RGS6: variants seen among roughly 807,000 people sequenced by gnomAD.
RGS6 encodes regulator of G protein signaling 6.
Under a neutral mutation model 78.5 loss-of-function variants are expected in RGS6, and 30 were observed. The observed-to-expected ratio is 0.38, with a 90% CI of 0.29 to 0.52. The LOEUF is 0.52. Among genes scored for constraint, RGS6 ranks in the 20% least tolerant of loss-of-function variants. The probability of loss-of-function intolerance (pLI) is 0.85; values close to 1 mark genes in which losing one functional copy is unlikely to be tolerated. For missense variants in RGS6, 495 were observed against 609.7 expected (o/e 0.81, Z 1.98); for synonymous variants, 206 against 206.0 (o/e 1.00, Z 0.00).
chr14:72,131,100 G>A (rs145987049), intron 2 of RGS6, among the ~76,000 whole-genome samples: 8 of 152,296 alleles, frequency 5.3e-5, no homozygotes, highest in African/African-American at 1.9e-4. Flanking sequence ...ACCTGACTCA[G>A]ATCTACTAGT....
chr14:72,478,393 G>A (rs1282869463), intron 12 of RGS6, 64 bp downstream of exon 12: 4 of 1,196,750 alleles, frequency 3.3e-6, no homozygotes, highest in Non-Finnish European at 4.9e-6. Context: ...ATGTTACAGG[G>A]TTATGGTTAA....
intron 15 of RGS6, among the ~76,000 whole-genome samples, chr14:72,529,655 C>G (rs1468334): frequency 0.53 from 80,234 of 151,974 alleles, 21,815 homozygotes; most frequent in East Asian, 0.73. Flanking sequence ...CAGACCCCCC[C>G]CTCCCTGCAA....
intron 2 of RGS6, among the ~76,000 whole-genome samples, chr14:72,284,519 T>G (rs2062151453): frequency 6.6e-6 from 1 of 152,182 alleles, no homozygotes; most frequent in South Asian, 2.1e-4. Context: ...AAGTTAAGAA[T>G]TGAGTTTTGG....
rs749534409 is a variant in RGS6, at chr14:72,089,751, G to C, written c.84+124876G>C. 6.1e-4 allele frequency among the ~76,000 whole-genome samples: 93 copies of C among 152,352 alleles called. 1 individual carries two copies. Among genetic ancestry groups the C allele is most frequent in the Admixed American group, 3.9e-4 (6 of 15,310 alleles). ...CGCATGGCATAAAGCAGAATGAAAAGGATGATTCAAATTTCTTCACCCAGC... is the reference window on the plus strand; with the variant it reads ...CGCATGGCATAAAGCAGAATGAAAACGATGATTCAAATTTCTTCACCCAGC... On this transcript the variant is annotated intron_variant, in intron 2 of 17. Transcript: ENST00000553525.
chr14:72,003,787 A>T (rs758661181), intron 2 of RGS6, among the ~76,000 whole-genome samples: 14 of 152,098 alleles, frequency 9.2e-5, no homozygotes, highest in Non-Finnish European at 1.8e-4. Context: ...GCCTCACCCT[A>T]CCCAGTGGAA....
At chr14:72,269,141 CACCA>C (rs200322346) in intron 2 of RGS6, among the ~76,000 whole-genome samples, 126,075 of 151,800 alleles carry the variant, frequency 0.83, 52,539 homozygotes, top group Non-Finnish European at 0.87. Flanking sequence ...TCCGCCCCCC[CACCA>C]CCCACCTTGC....
intron 2 of RGS6, among the ~76,000 whole-genome samples, chr14:72,063,322 G>A (rs1426443176): frequency 1.3e-5 from 2 of 152,128 alleles, no homozygotes; most frequent in Non-Finnish European, 2.9e-5. Flanking sequence ...GTGCCAAGGA[G>A]GAAGGAGAAA....
intron 3 of RGS6, among the ~76,000 whole-genome samples, chr14:72,415,742 C>A (rs1396430028): frequency 6.6e-6 from 1 of 152,212 alleles, no homozygotes; most frequent in Non-Finnish European, 1.5e-5. Flanking sequence ...ATTAGTGTTA[C>A]CAAAGCAACA....
At chr14:72,475,830 G>GCGCGCA (rs113920568) in intron 10 of RGS6, among the ~76,000 whole-genome samples, 25 of 145,702 alleles carry the variant, frequency 1.7e-4, no homozygotes, top group South Asian at 1.6e-3. Context: ...AAAAATACAC[G>GCGCGCA]CACACACACA....
intron 2 of RGS6, among the ~76,000 whole-genome samples, chr14:72,305,644 T>C (rs2152431350): frequency 1.3e-5 from 2 of 152,366 alleles, no homozygotes; most frequent in East Asian, 3.9e-4. Context: ...AAATGTTGTA[T>C]GTGTACTGAC....
intron 2 of RGS6, among the ~76,000 whole-genome samples, chr14:72,066,966 C>T (rs1320763274): frequency 6.6e-6 from 1 of 152,146 alleles, no homozygotes; most frequent in Non-Finnish European, 1.5e-5. Flanking sequence ...CCAGCTTCAT[C>T]CATGTCCCTG....
At chr14:72,369,045 A>G (rs2082952099) in intron 3 of RGS6, among the ~76,000 whole-genome samples, 1 of 151,682 alleles carries the variant, frequency 6.6e-6, no homozygotes, top group Non-Finnish European at 1.5e-5. Context: ...ACTAGAAAAA[A>G]AAATCACACA....
chr14:71,899,213 A>G, the RGS6 span, among the ~76,000 whole-genome samples: 1 of 152,338 alleles, frequency 6.6e-6, no homozygotes, highest in South Asian at 2.1e-4. Context: ...ATCAACACCA[A>G]AATATAAAAC....
At chr14:71,984,730 C>T (rs1055352244) in intron 2 of RGS6, among the ~76,000 whole-genome samples, 2 of 152,160 alleles carry the variant, frequency 1.3e-5, no homozygotes, top group African/African-American at 4.8e-5. Flanking sequence ...ATTATAGCCT[C>T]ATTCTTCATA....
rs1282394103 is a variant in RGS6, at chr14:72,295,211, A to T, written c.85-56884A>T. On this transcript the variant is annotated intron_variant, in intron 2 of 17. Transcript: ENST00000553525. The stretch of plus-strand genomic sequence containing the variant: ...GAGGCTGAGGCAGGAGAATGGCGTG[A>T]ACCCGGGAGGCGGAGCTTGCAGTGA... Among the ~76,000 whole-genome samples the T allele has an allele frequency of 1.6e-4, 24 of 150,916 alleles. No individual in the cohort carries two copies. The South Asian group carries it at 5.1e-3, about 32-fold the overall frequency.
downstream of RGS6, among the ~76,000 whole-genome samples, chr14:72,568,904 C>G (rs1269686552): frequency 1.3e-5 from 2 of 152,234 alleles, no homozygotes; most frequent in African/African-American, 4.8e-5. Context: ...AATTTCCAAC[C>G]AAGAAAATAA....
chr14:72,162,605 C>T (rs1022612678), intron 2 of RGS6, among the ~76,000 whole-genome samples: 4 of 152,140 alleles, frequency 2.6e-5, no homozygotes, highest in Non-Finnish European at 5.9e-5. Flanking sequence ...TTCGTAACCT[C>T]TATCTGCCAC....
chr14:72,174,302 T>C (rs887882212), intron 2 of RGS6, among the ~76,000 whole-genome samples: 24 of 152,192 alleles, frequency 1.6e-4, no homozygotes, highest in African/African-American at 5.3e-4. Flanking sequence ...TTCTCCATGT[T>C]GGTCAGGCTG....
chr14:72,009,893 A>G (rs553122514), intron 2 of RGS6, among the ~76,000 whole-genome samples: 3 of 152,208 alleles, frequency 2.0e-5, no homozygotes, highest in South Asian at 2.1e-4. Flanking sequence ...GAAGAAGTTC[A>G]TAGTCCATTT....
Sources: gnomAD v4.1 joint callset for allele counts (sites outside exome capture counted in the v4.1 genomes callset) on GRCh38, gnomAD v4.1.1 for gene constraint, MANE v1.5 for transcripts, NCBI Gene and HGNC (gene_info 2026-07-23, HGNC 2026-07-21) for gene names.